The following OSBPL11 variants were observed in gnomAD, a reference collection of about 807,000 sequenced individuals.
The protein encoded by OSBPL11 is oxysterol binding protein like 11, also known as oxysterol-binding protein-related protein 11.
In OSBPL11, 33 loss-of-function variants were observed where a neutral mutation model predicts 84.4. That is an observed-to-expected ratio of 0.39 (90% CI 0.30 to 0.52). The LOEUF is 0.52. Among genes scored for constraint, OSBPL11 ranks in the 20% least tolerant of loss-of-function variants. The pLI is 0.72. For missense variants in OSBPL11, 736 were observed against 901.1 expected (o/e 0.82, Z 2.35); for synonymous variants, 276 against 310.2 (o/e 0.89, Z 1.16).
intron 8 of OSBPL11, among the ~76,000 whole-genome samples, chr3:125,558,449 G>C (rs1559840717): frequency 6.6e-6 from 1 of 152,076 alleles, no homozygotes; most frequent in African/African-American, 2.4e-5. Context: ...AGCTTTATGG[G>C]TTTCTTTATT....
In OSBPL11 at chr3:125,542,573, A is replaced by G. The variant is rs541838200; in HGVS notation, c.1842-3940T>C. ...GCCCAGGCTGGAGTGCAGTGGCACG[A>G]TCTCAGCTCACTGCAAGCCCCGCCT... On this transcript the variant is annotated intron_variant, in intron 10 of 12. Coordinates refer to ENST00000296220, the MANE Select transcript of OSBPL11 (RefSeq NM_022776.5). Among the ~76,000 whole-genome samples, 589 of 149,454 alleles carry G rather than the reference A, an allele frequency of 3.9e-3. 4 individuals carry two copies. Among genetic ancestry groups the G allele is most frequent in the Non-Finnish European group, 5.9e-3 (400 of 67,698 alleles).
Position 125,560,492 on chromosome 3 carries a change from C to A in OSBPL11, c.1042G>T (p.Glu348Ter). Residue 348 changes from glutamate (E) to a stop codon, truncating the protein, a stop_gained, in exon 8 of 13, where the codon GAG becomes TAG. Coordinates refer to ENST00000296220, the MANE Select transcript of OSBPL11 (RefSeq NM_022776.5). LOFTEE classifies it high-confidence loss of function. ...TTGTGGTCACATGTATCCTCTATCT[C>A]ATCATCTGCATTTATTTCTTCAGGC... ...REPEEINADD[E>*]IEDTCDHKED... The A allele has an allele frequency of 6.3e-7, 1 of 1,585,150 alleles. No homozygotes were observed. Among genetic ancestry groups the A allele is most frequent in the Non-Finnish European group, 8.6e-7 (1 of 1,164,168 alleles).
intron 9 of OSBPL11, among the ~76,000 whole-genome samples, chr3:125,550,049 TA>T (rs1307738682): frequency 6.6e-6 from 1 of 152,002 alleles, no homozygotes; most frequent in African/African-American, 2.4e-5. Flanking sequence ...TGATGGAGGG[TA>T]GCAAACTTTT....
At chr3:125,572,767 G>A (rs888269954) in intron 5 of OSBPL11, among the ~76,000 whole-genome samples, 6 of 149,506 alleles carry the variant, frequency 4.0e-5, no homozygotes, top group South Asian at 2.1e-4. Context: ...ACCCAGTCTC[G>A]GGTATGTCTT....
At chr3:125,577,974 T>C (rs894991128) in intron 4 of OSBPL11, among the ~76,000 whole-genome samples, 3 of 152,174 alleles carry the variant, frequency 2.0e-5, no homozygotes, top group African/African-American at 7.2e-5. Context: ...GCAATTCTAC[T>C]CCCAGACCCT....
intron 8 of OSBPL11, among the ~76,000 whole-genome samples, chr3:125,553,858 C>T (rs1312428379): frequency 6.6e-6 from 1 of 152,080 alleles, no homozygotes; most frequent in East Asian, 1.9e-4. Context: ...CACTTTCTGT[C>T]GAAATTCCAC....
At chr3:125,593,673 A>G (rs912291730) in intron 1 of OSBPL11, among the ~76,000 whole-genome samples, 6 of 152,160 alleles carry the variant, frequency 3.9e-5, no homozygotes, top group Non-Finnish European at 8.8e-5. Context: ...ATGTTAATAT[A>G]GTCATGCATA....
chr3:125,567,950 C>T (rs141968216), intron 5 of OSBPL11, among the ~76,000 whole-genome samples: 21 of 147,246 alleles, frequency 1.4e-4, no homozygotes, highest in African/African-American at 4.0e-4. Flanking sequence ...GCCATGATCA[C>T]ACCACTGAAC....
At chr3:125,543,497 T>C (rs185157971) in intron 10 of OSBPL11, among the ~76,000 whole-genome samples, 1 of 152,314 alleles carries the variant, frequency 6.6e-6, no homozygotes, top group Non-Finnish European at 1.5e-5. Flanking sequence ...AATTTTTAAA[T>C]GTGACCATCA....
intron 9 of OSBPL11, among the ~76,000 whole-genome samples, chr3:125,550,005 T>C (rs1426666074): frequency 6.6e-6 from 1 of 152,164 alleles, no homozygotes; most frequent in Non-Finnish European, 1.5e-5. Flanking sequence ...CAAGTTGATC[T>C]ATGAAGTGCT....
At chr3:125,580,239 G>A (rs1396835949) in intron 2 of OSBPL11, among the ~76,000 whole-genome samples, 199 bp from the exon 3 acceptor site, 1 of 152,148 alleles carries the variant, frequency 6.6e-6, no homozygotes, top group Non-Finnish European at 1.5e-5. Flanking sequence ...GTTAGGCCAG[G>A]CGCAGTGGCT....
intron 10 of OSBPL11, among the ~76,000 whole-genome samples, chr3:125,543,117 T>C (rs1035816449): frequency 8.2e-5 from 12 of 146,770 alleles, no homozygotes; most frequent in East Asian, 2.0e-4. Context: ...CTCCTGGGGC[T>C]AGTAAGATTT....
In OSBPL11 at chr3:125,547,477, G is replaced by A; in HGVS notation, c.1770C>T (p.Asn590=). The change falls in exon 10 of 13, where the codon AAC becomes AAT. Residue 590 remains asparagine, a synonymous_variant. Transcript: ENST00000296220. The part of the protein sequence containing the change: ...WVELGGKVSV[N]CAKTGYSASI... Reference sequence around the variant, plus strand: ...TGGCTGAATATCCAGTTTTTGCACAGTTGACACTGACTTTGCCACCCAGTT... The same window carrying A: ...TGGCTGAATATCCAGTTTTTGCACAATTGACACTGACTTTGCCACCCAGTT... The A allele has an allele frequency of 1.9e-6, 3 of 1,614,066 alleles. No individual in the cohort carries two copies. The highest frequency in any genetic ancestry group is 2.5e-6 in the Non-Finnish European group (3 of 1,179,992).
chr3:125,570,727 T>C (rs1356074305), intron 5 of OSBPL11, among the ~76,000 whole-genome samples: 1 of 152,196 alleles, frequency 6.6e-6, no homozygotes, highest in Non-Finnish European at 1.5e-5. Context: ...CTGCCATCCA[T>C]GTAAGACGTG....
intron 11 of OSBPL11, among the ~76,000 whole-genome samples, chr3:125,535,592 C>T (rs1242804287): frequency 1.1e-4 from 16 of 151,420 alleles, no homozygotes; most frequent in Admixed American, 2.0e-4. Flanking sequence ...TACAGGTGCA[C>T]GCCACCACGC....
intron 11 of OSBPL11, among the ~76,000 whole-genome samples, chr3:125,532,725 C>T (rs1935578849): frequency 6.6e-6 from 1 of 151,736 alleles, no homozygotes; most frequent in African/African-American, 2.4e-5. Context: ...CCAGCAATTC[C>T]ACTCCTGGGT....
chr3:125,562,724 C>T (rs376073743), intron 7 of OSBPL11, among the ~76,000 whole-genome samples: 1 of 152,046 alleles, frequency 6.6e-6, no homozygotes, highest in African/African-American at 2.4e-5. Flanking sequence ...GTCCAGAGTT[C>T]GAGACCAGCC....
intron 1 of OSBPL11, among the ~76,000 whole-genome samples, chr3:125,590,589 G>A (rs1046601632): frequency 2.0e-5 from 3 of 152,094 alleles, no homozygotes; most frequent in African/African-American, 7.2e-5. Context: ...AGGTCATCAT[G>A]AGATTGTTTT....
chr3:125,582,913 T>A lies in OSBPL11; in HGVS notation c.230A>T (p.Tyr77Phe). 1 of 1,593,260 alleles carries A rather than the reference T, an allele frequency of 6.3e-7. No individual in the cohort carries two copies. The highest frequency in any genetic ancestry group is 8.5e-7 in the Non-Finnish European group (1 of 1,170,186). ...KYTNLVTGWQ[Y>F]RFFVLNNEAG... ...TGACACAAATAATCACACTTACCTG[T>A]ACTGCCACCCAGTGACAAGGTTGGT... The change falls in exon 2 of 13, where the codon TAC becomes TTC. Residue 77 changes from tyrosine to phenylalanine, a missense_variant. Around this residue, in one of 3 missense-constraint regions of OSBPL11, gnomAD observed 114 missense variants for 104.9 expected, o/e 1.09. Transcript: ENST00000296220.
Sources: allele counts gnomAD v4.1 joint callset (sites outside exome capture counted in the v4.1 genomes callset), GRCh38; gene constraint gnomAD v4.1.1; regional missense constraint gnomAD v4.1.1; transcripts MANE v1.5; gene names NCBI Gene and HGNC (gene_info 2026-07-23, HGNC 2026-07-21).